Variants in PDZD8 observed in about 807,000 individuals in gnomAD.
PDZD8 encodes the protein PDZ domain-containing protein 8.
A neutral mutation model predicts 85.8 loss-of-function variants in PDZD8; 14 were observed. The ratio of observed to expected loss-of-function variants is 0.16; its 90% CI spans 0.11 to 0.26. The LOEUF is 0.26. Among genes scored for constraint, PDZD8 ranks in the 10% least tolerant of loss-of-function variants. The pLI, the probability that PDZD8 is intolerant of heterozygous loss-of-function variation, is 1.00. For synonymous variants in PDZD8, 592 were observed against 568.6 expected, an observed-to-expected ratio of 1.04 and a Z score of -0.59; for missense variants, 1,197 against 1,424.3, an observed-to-expected ratio of 0.84 and a Z score of 2.57.
rs1845266185 is a variant in PDZD8 at position 117,374,879 on chromosome 10, G to A, written c.349C>T (p.Arg117Cys). Residue 117 changes from arginine (R) to cysteine (C), a missense_variant, in exon 1 of 5, where the codon CGC becomes TGC. Physicochemically the swap from Arg to Cys is radical, Grantham distance 180 (BLOSUM62 -3). Coordinates refer to ENST00000334464, the MANE Select transcript of PDZD8 (RefSeq NM_173791.5). The surrounding 1 kb of genome is among the most constrained non-coding windows in gnomAD (Gnocchi z 7.8). ...ACCTTGATCTTCTTGGTGACCCAGCGGCGGGTCAGCGCGGTGTCCCGCAAC... is the reference window on the plus strand; with the variant it reads ...ACCTTGATCTTCTTGGTGACCCAGCAGCGGGTCAGCGCGGTGTCCCGCAAC... ...RELRDTALTRRWVTKKIKVEF... is the reference protein window; with the variant it reads ...RELRDTALTRCWVTKKIKVEF... 1 of 1,613,574 alleles carries A rather than the reference G, an allele frequency of 6.2e-7. No individual in the cohort carries two copies. Among genetic ancestry groups the A allele is most frequent in the Admixed American group, 1.7e-5 (1 of 60,026 alleles).
chr10:117,319,082 T>C (rs10082507), intron 2 of PDZD8, 108 bp from the exon 3 acceptor site: 76,535 of 717,820 alleles, frequency 0.11, 5,778 homozygotes, highest in East Asian at 0.34. Flanking sequence ...ATTACTATTA[T>C]AGCTTTAGTA....
intron 3 of PDZD8, among the ~76,000 whole-genome samples, chr10:117,290,728 A>G (rs1331634598): frequency 6.6e-6 from 1 of 152,124 alleles, no homozygotes; most frequent in Non-Finnish European, 1.5e-5. Flanking sequence ...ATTTGTCTCA[A>G]TAATACTGAG....
intron 1 of PDZD8, among the ~76,000 whole-genome samples, chr10:117,373,025 G>C (rs1235723645): frequency 6.6e-6 from 1 of 151,962 alleles, no homozygotes; most frequent in Non-Finnish European, 1.5e-5. Flanking sequence ...TTATAATAAA[G>C]GGCAAAATTT....
intron 2 of PDZD8, among the ~76,000 whole-genome samples, chr10:117,337,250 C>G (rs1326347794): frequency 6.6e-6 from 1 of 152,092 alleles, no homozygotes; most frequent in Admixed American, 6.5e-5. Context: ...TATCTTCTAT[C>G]CTTCAAGACA....
intron 1 of PDZD8, among the ~76,000 whole-genome samples, chr10:117,371,433 T>C (rs1465373949): frequency 6.6e-6 from 1 of 152,152 alleles, no homozygotes; most frequent in Non-Finnish European, 1.5e-5. Context: ...AATCCGCCTG[T>C]CTCAGCCTTA....
intron 3 of PDZD8, among the ~76,000 whole-genome samples, chr10:117,302,544 A>G (rs1843863740): frequency 6.6e-6 from 1 of 152,234 alleles, no homozygotes; most frequent in Non-Finnish European, 1.5e-5. Flanking sequence ...TAAACTCATA[A>G]GCCAGATAAA....
intron 3 of PDZD8, chr10:117,314,101 T>C (rs1481633150): frequency 1.3e-5 from 2 of 152,162 alleles, no homozygotes; most frequent in East Asian, 3.9e-4. Flanking sequence ...ATGGGAAGAG[T>C]ATTTCATAGA....
At chr10:117,301,510 T>C (rs1047049196) in intron 3 of PDZD8, among the ~76,000 whole-genome samples, 3 of 152,220 alleles carry the variant, frequency 2.0e-5, no homozygotes, top group African/African-American at 4.8e-5. Flanking sequence ...TGAACTTCTA[T>C]GTACAACATA....
chr10:117,299,596 T>C (rs1050342854), intron 3 of PDZD8, among the ~76,000 whole-genome samples: 2 of 152,184 alleles, frequency 1.3e-5, no homozygotes, highest in Non-Finnish European at 2.9e-5. Flanking sequence ...TTCTACTTAT[T>C]GTAGTCTGTT....
At position 117,278,826 on chromosome 10, in the gene PDZD8, C is replaced by T. The variant is rs1245659756; in HGVS notation, c.*4442G>A. On this transcript the variant is annotated 3_prime_UTR_variant, in exon 5 of 5. Transcript: ENST00000334464. ...TTGAAGCAAACGAACTTCCAACTCACTTATTTGGCATTGGGCAACTTGGCC... is the reference window on the plus strand; with the variant it reads ...TTGAAGCAAACGAACTTCCAACTCATTTATTTGGCATTGGGCAACTTGGCC... The T allele has an allele frequency of 6.6e-6, 1 of 152,190 alleles. No homozygotes were observed. The allele number at this position is 152,190 out of a possible 1,614,324, so 9.4% of individuals were successfully genotyped here.
chr10:117,359,538 C>T (rs1449447018), intron 1 of PDZD8, among the ~76,000 whole-genome samples: 10 of 152,012 alleles, frequency 6.6e-5, no homozygotes, highest in African/African-American at 1.9e-4. Flanking sequence ...GGTAAAATCC[C>T]GTCTCTACTA....
At chr10:117,320,411 G>C (rs1035853107) in intron 2 of PDZD8, among the ~76,000 whole-genome samples, 3 of 151,934 alleles carry the variant, frequency 2.0e-5, no homozygotes, top group Non-Finnish European at 2.9e-5. Context: ...CCCTGTAATC[G>C]TAAGTTATTC....
chr10:117,355,902 GAAGA>G (rs1844885464), intron 1 of PDZD8, among the ~76,000 whole-genome samples: 1 of 152,014 alleles, frequency 6.6e-6, no homozygotes, highest in African/African-American at 2.4e-5. Context: ...GAAGTTTCTA[GAAGA>G]AATACCATTA....
intron 2 of PDZD8, among the ~76,000 whole-genome samples, chr10:117,331,997 A>C (rs921858370): frequency 2.0e-5 from 3 of 152,216 alleles, no homozygotes; most frequent in African/African-American, 7.2e-5. Flanking sequence ...AATGTATAAA[A>C]ACTAACGGAA....
chr10:117,292,044 C>T (rs1057097765), intron 3 of PDZD8, among the ~76,000 whole-genome samples: 4 of 152,170 alleles, frequency 2.6e-5, no homozygotes, highest in Non-Finnish European at 5.9e-5. Context: ...ATATCACTGG[C>T]TGCACTGCTT....
In PDZD8 at chr10:117,284,287, G is replaced by A. The variant is rs745773729; in HGVS notation, c.2446C>T (p.His816Tyr). Residue 816 changes from histidine (H) to tyrosine (Y), a missense_variant, in exon 5 of 5, where the codon CAT becomes TAT. Transcript: ENST00000334464. ...AGAACAGAAACTTCTTCAACCAAAT[G>A]GGGTTCTTTTTCTTTTTCTACGTTA... Reference protein sequence around the residue: ...VTNVEKEKEPHLVEEVSVLPK... With the variant: ...VTNVEKEKEPYLVEEVSVLPK... The A allele has an allele frequency of 5.6e-6, 9 of 1,613,752 alleles. No homozygotes were observed. The African/African-American group carries it at 1.2e-4, about 22-fold the overall frequency.
In PDZD8 at chr10:117,283,255, A is replaced by G. The variant is rs115171479; in HGVS notation, c.*13T>C. 1.9e-3 allele frequency: 2,993 copies of G among 1,590,108 alleles called. 43 individuals are homozygous for G. The African/African-American group carries it at 0.032, about 17-fold the overall frequency. On this transcript the variant is annotated 3_prime_UTR_variant, in exon 5 of 5. Coordinates refer to ENST00000334464, the MANE Select transcript of PDZD8 (RefSeq NM_173791.5). Reference sequence around the variant, plus strand: ...TTACCCTGTTCATTTGAAAGCTTAAATAGACCTGTCTGCTACACAGACTCG... The same window carrying G: ...TTACCCTGTTCATTTGAAAGCTTAAGTAGACCTGTCTGCTACACAGACTCG...
chr10:117,309,976 C>T (rs887388399), intron 3 of PDZD8, among the ~76,000 whole-genome samples: 2 of 152,146 alleles, frequency 1.3e-5, no homozygotes, highest in Non-Finnish European at 2.9e-5. Flanking sequence ...TAAAAGCCTC[C>T]AGAGGTCCAA....
At chr10:117,349,480 C>T (rs1844766083) in intron 1 of PDZD8, among the ~76,000 whole-genome samples, 1 of 152,180 alleles carries the variant, frequency 6.6e-6, no homozygotes, top group Non-Finnish European at 1.5e-5. Context: ...GGAAGACTAA[C>T]TATGAACAGA....
Sources: allele counts gnomAD v4.1 joint callset (sites outside exome capture counted in the v4.1 genomes callset), GRCh38; gene constraint gnomAD v4.1.1; non-coding constraint Gnocchi (gnomAD v3.1); transcripts MANE v1.5; gene names NCBI Gene and HGNC (gene_info 2026-07-23, HGNC 2026-07-21).